Variants in PCDH15 observed in about 807,000 individuals in gnomAD.
The protein encoded by PCDH15 is protocadherin related 15.
Under a neutral mutation model 178.5 loss-of-function variants are expected in PCDH15, and 129 were observed. The ratio of observed to expected loss-of-function variants is 0.72; its 90% confidence interval spans 0.63 to 0.84. The LOEUF (loss-of-function observed/expected upper bound fraction) is 0.84, where lower values mean the gene tolerates loss of function less well. PCDH15 is among the 40% of genes least tolerant of loss of function. The probability of loss-of-function intolerance (pLI) is 0.00; values close to 1 mark genes in which losing one functional copy is unlikely to be tolerated. For synonymous variants in PCDH15, 800 were observed against 732.0 expected, an observed-to-expected ratio of 1.09 and a Z score of -1.50; for missense variants, 2,230 against 2,099.9, an observed-to-expected ratio of 1.06 and a Z score of -1.21.
intron 8 of PCDH15, among the ~76,000 whole-genome samples, chr10:54,251,195 G>T (rs1451146341): frequency 1.3e-5 from 2 of 151,970 alleles, no homozygotes; most frequent in African/African-American, 4.8e-5. Flanking sequence ...CTTTCTTTAT[G>T]CTTTCTTCTT....
At chr10:54,322,332 T>C (rs1591793518) in intron 7 of PCDH15, among the ~76,000 whole-genome samples, 2 of 152,062 alleles carry the variant, frequency 1.3e-5, no homozygotes, top group Admixed American at 1.3e-4. Context: ...TTTCCCATTT[T>C]CATCTGCATT....
intron 8 of PCDH15, among the ~76,000 whole-genome samples, chr10:54,253,226 T>G (rs1251635646): frequency 6.6e-6 from 1 of 152,120 alleles, no homozygotes; most frequent in East Asian, 1.9e-4. Context: ...AACTTTGTTT[T>G]GATATTAATT....
chr10:55,215,328 T>A (rs1749558056), intron 1 of PCDH15, among the ~76,000 whole-genome samples: 2 of 152,286 alleles, frequency 1.3e-5, no homozygotes, highest in Admixed American at 1.3e-4. Flanking sequence ...TAATTCAGTG[T>A]GTACTTAGGC....
At chr10:55,127,080 T>C (rs1166327053) in intron 2 of PCDH15, among the ~76,000 whole-genome samples, 1 of 152,104 alleles carries the variant, frequency 6.6e-6, no homozygotes, top group African/African-American at 2.4e-5. Flanking sequence ...AGCTACTTTC[T>C]GACTCTGCAA....
chr10:54,945,358 T>C lies in PCDH15; in HGVS notation c.-79-47858A>G, dbSNP rs536988461. Among the ~76,000 whole-genome samples, 389 of 145,364 alleles carry C rather than the reference T, an allele frequency of 2.7e-3. 5 individuals are homozygous for C. Among genetic ancestry groups the C allele is most frequent in the Non-Finnish European group, 3.4e-3 (221 of 65,278 alleles). On this transcript the variant is annotated intron_variant, in intron 2 of 5. Transcript: ENST00000458638. ...GATAGATAGATAGATAGATGATAGA[T>C]AGATATATAGATAGATAGATAGATA...
At chr10:54,498,456 T>C (rs950482224) in intron 3 of PCDH15, among the ~76,000 whole-genome samples, 3 of 152,140 alleles carry the variant, frequency 2.0e-5, no homozygotes, top group Non-Finnish European at 2.9e-5. Flanking sequence ...CACATATCAA[T>C]ATTGACCTTG....
At chr10:55,196,298 T>C (rs920574752) in intron 1 of PCDH15, among the ~76,000 whole-genome samples, 4 of 152,104 alleles carry the variant, frequency 2.6e-5, no homozygotes, top group African/African-American at 7.3e-5. Flanking sequence ...AAAATAAACA[T>C]ATTAAAATGT....
chr10:55,234,737 A>G (rs1175372250), intron 1 of PCDH15, among the ~76,000 whole-genome samples: 1 of 152,088 alleles, frequency 6.6e-6, no homozygotes, highest in Non-Finnish European at 1.5e-5. Context: ...AGACAATAAA[A>G]TTCTAAAATA....
At chr10:53,918,039 T>C (rs1247444685) in intron 25 of PCDH15, among the ~76,000 whole-genome samples, 12 of 152,128 alleles carry the variant, frequency 7.9e-5, no homozygotes, top group Non-Finnish European at 1.5e-4. Flanking sequence ...GTACAGCCTG[T>C]AGAACCATGA....
intron 2 of PCDH15, among the ~76,000 whole-genome samples, chr10:55,094,392 G>T (rs542572900): frequency 1.3e-5 from 2 of 151,986 alleles, no homozygotes; most frequent in Admixed American, 6.6e-5. Context: ...GGCCTGTTGT[G>T]GGGTAGGGGG....
intron 2 of PCDH15, among the ~76,000 whole-genome samples, chr10:55,152,950 A>G (rs2132103457): frequency 6.6e-6 from 1 of 151,966 alleles, no homozygotes; most frequent in South Asian, 2.1e-4. Flanking sequence ...TCTCACCACC[A>G]TGAATTTTTT....
intron 2 of PCDH15, among the ~76,000 whole-genome samples, chr10:55,337,016 C>T (rs1844414323): frequency 6.6e-6 from 1 of 152,114 alleles, no homozygotes; most frequent in Non-Finnish European, 1.5e-5. Flanking sequence ...TCAATTGTAA[C>T]AGCTAAAAGT....
intron 8 of PCDH15, among the ~76,000 whole-genome samples, chr10:54,302,569 C>T (rs890557843): frequency 6.6e-6 from 1 of 152,170 alleles, no homozygotes; most frequent in Non-Finnish European, 1.5e-5. Flanking sequence ...AAAAGCAGGA[C>T]CTCCTCAGAC....
At chr10:55,328,350 T>G (rs1305678664) in intron 2 of PCDH15, among the ~76,000 whole-genome samples, 1 of 151,864 alleles carries the variant, frequency 6.6e-6, no homozygotes, top group Non-Finnish European at 1.5e-5. Context: ...CACAAATTTA[T>G]GTGGTGCAGC....
intron 2 of PCDH15, among the ~76,000 whole-genome samples, chr10:55,491,119 T>G (rs1840404100): frequency 6.6e-6 from 1 of 151,756 alleles, no homozygotes; most frequent in Non-Finnish European, 1.5e-5. Flanking sequence ...ACAATCTGCT[T>G]CCTTTATCCC....
intron 27 of PCDH15, among the ~76,000 whole-genome samples, chr10:53,864,100 G>A (rs909383803): frequency 3.9e-5 from 6 of 152,276 alleles, no homozygotes; most frequent in Non-Finnish European, 7.3e-5. Context: ...TGGAGGGTTT[G>A]TTTTAGTCAT....
chr10:55,438,242 A>C (rs1839095084), intron 2 of PCDH15, among the ~76,000 whole-genome samples: 1 of 151,898 alleles, frequency 6.6e-6, no homozygotes, highest in Non-Finnish European at 1.5e-5. Context: ...CTACATGCTC[A>C]TTAAATACTA....
intron 2 of PCDH15, among the ~76,000 whole-genome samples, chr10:55,491,173 T>TC (rs1840406362): frequency 6.6e-6 from 1 of 151,754 alleles, no homozygotes. Context: ...GTGTATTCTA[T>TC]TACAGGAACG....
chr10:55,184,552 A>G (rs868584364), intron 1 of PCDH15, among the ~76,000 whole-genome samples: 5 of 152,010 alleles, frequency 3.3e-5, no homozygotes, highest in Non-Finnish European at 7.4e-5. Context: ...ATGTCTGTTG[A>G]CATTTACGAT....
Sources: gnomAD v4.1 joint callset for allele counts (sites outside exome capture counted in the v4.1 genomes callset) on GRCh38, gnomAD v4.1.1 for gene constraint, MANE v1.5 for transcripts, NCBI Gene and HGNC (gene_info 2026-07-23, HGNC 2026-07-21) for gene names.